PKM: variants seen among roughly 807,000 people sequenced by gnomAD.
PKM encodes pyruvate kinase PKM.
PKM carries 18 observed loss-of-function variants against 49.8 expected under a neutral mutation model. That is an observed-to-expected ratio of 0.36 (90% CI 0.25 to 0.54). The LOEUF is 0.54. PKM is among the 20% of genes least tolerant of loss of function. The pLI is 0.89. For synonymous variants in PKM, 239 were observed against 261.8 expected (o/e 0.91, Z 0.84); for missense variants, 508 against 713.8 (o/e 0.71, Z 3.28).
Position 72,209,869 on chromosome 15 carries a change from A to T in PKM, c.379-10T>A. 6.2e-7 allele frequency: 1 copy of T among 1,613,510 alleles called. No homozygotes were observed. The highest frequency in any genetic ancestry group is 8.5e-7 in the Non-Finnish European group (1 of 1,179,462). On this transcript the variant is annotated splice_polypyrimidine_tract_variant and intron_variant, in intron 4 of 10. Coordinates refer to ENST00000335181, the MANE Select transcript of PKM (RefSeq NM_002654.6). ...CCTCTGCAGTGCCGCTCTAGGGACA[A>T]GAGAGTAAGCAAGAGTCCAAACTGG...
chr15:72,211,289 G>A (rs963450125), intron 3 of PKM, among the ~76,000 whole-genome samples: 18 of 152,006 alleles, frequency 1.2e-4, no homozygotes, highest in Non-Finnish European at 2.4e-4. Flanking sequence ...GGATGGTCTC[G>A]ATCTCCTGAT....
chr15:72,200,951 AACCCC>A lies in PKM; in HGVS notation c.1308-301_1308-297del. 1 of 366,368 alleles carries A rather than the reference AACCCC, an allele frequency of 2.7e-6. No homozygotes were observed. Among genetic ancestry groups the A allele is most frequent in the Non-Finnish European group, 5.1e-6 (1 of 196,510 alleles). The allele number at this position is 366,368 out of a possible 1,614,324, so 22.7% of individuals were successfully genotyped here. ...ACCCCACACAGCCCATGGTTGGCAGAACCCCTCCTACACCCTGAACTCTGACACAG... is the reference window on the plus strand; with the variant it reads ...ACCCCACACAGCCCATGGTTGGCAGATCCTACACCCTGAACTCTGACACAG... On this transcript the variant is annotated intron_variant, in intron 9 of 10. Coordinates refer to ENST00000335181, the MANE Select transcript of PKM (RefSeq NM_002654.6). The surrounding 1 kb of genome is among the most constrained non-coding windows in gnomAD (Gnocchi z 4.6).
At position 72,199,192 on chromosome 15, in the gene PKM, T is replaced by G. The variant is rs987675460; in HGVS notation, c.*458A>C. ...TGCAAACTGGAGAGGCCTAGAGAGC[T>G]AGAGAAGCAAGTAAGGGCCAGGGCC... is the stretch of plus-strand genomic sequence containing the variant. On this transcript the variant is annotated 3_prime_UTR_variant, in exon 11 of 11. Transcript: ENST00000335181. 8.4e-6 allele frequency: 3 copies of G among 355,578 alleles called. No homozygotes were observed. Among genetic ancestry groups the G allele is most frequent in the Admixed American group, 7.6e-5 (2 of 26,208 alleles). 22.0% of individuals were successfully genotyped at this position (355,578 alleles called of 1,614,324 possible).
chr15:72,223,312 T>C (rs931712658), intron 1 of PKM, among the ~76,000 whole-genome samples: 1 of 152,218 alleles, frequency 6.6e-6, no homozygotes, highest in African/African-American at 2.4e-5. Context: ...TGAGTCTGCA[T>C]CTGCCTAAGT....
At chr15:72,199,886 C>T in intron 10 of PKM, 130 bp from the exon 11 acceptor site, 2 of 709,892 alleles carry the variant, frequency 2.8e-6, no homozygotes, top group Non-Finnish European at 2.6e-6. Flanking sequence ...CAAGGTGGCA[C>T]CAAACTCACA....
At chr15:72,227,759 A>AC (rs2082715382) in intron 1 of PKM, among the ~76,000 whole-genome samples, 2 of 133,550 alleles carry the variant, frequency 1.5e-5, no homozygotes, top group African/African-American at 6.9e-5. Context: ...AAAAAAAAAA[A>AC]AAAAAAAAAA....
intron 1 of PKM, 124 bp downstream of exon 1, chr15:72,230,992 G>T: frequency 7.8e-7 from 1 of 1,279,242 alleles, no homozygotes. Flanking sequence ...CTGCATCCCA[G>T]ACGCCCTGGA....
At chr15:72,211,886 G>A (rs894568239) in intron 3 of PKM, among the ~76,000 whole-genome samples, 4 of 151,728 alleles carry the variant, frequency 2.6e-5, no homozygotes, top group South Asian at 2.1e-4. Context: ...AGACATTAGC[G>A]GTAACAAGGG....
intron 1 of PKM, among the ~76,000 whole-genome samples, chr15:72,219,968 A>G (rs2082479265): frequency 6.6e-6 from 1 of 152,180 alleles, no homozygotes; most frequent in African/African-American, 2.4e-5. Flanking sequence ...CCAGGTCACA[A>G]CCCTGACAAT....
At chr15:72,226,698 T>C (rs1196220087) in intron 1 of PKM, among the ~76,000 whole-genome samples, 2 of 152,228 alleles carry the variant, frequency 1.3e-5, no homozygotes, top group Non-Finnish European at 2.9e-5. Flanking sequence ...GCAACCTCAC[T>C]GCCCTTGAAT....
In PKM at chr15:72,208,689, C is replaced by A. The variant is rs746789378; in HGVS notation, c.768G>T (p.Lys256Asn). Residue 256 changes from lysine (K) to asparagine (N), a missense_variant, in exon 6 of 11, where the codon AAG becomes AAT. By Grantham distance (94) the Lys-to-Asn change is moderately conservative. Transcript: ENST00000335181. ...TGTTCTTTCCCTTCTCTCCCAGGAC[C>A]TTCCTAACTTCATGGACATCAGATG... The part of the protein sequence containing the change: ...RKASDVHEVR[K>N]VLGEKGKNIK... The A allele has an allele frequency of 5.0e-6, 8 of 1,614,150 alleles. No individual in the cohort carries two copies. The highest frequency in any genetic ancestry group is 6.8e-6 in the Non-Finnish European group (8 of 1,180,030).
chr15:72,213,632 T>C lies in PKM; in HGVS notation c.247-3154A>G, dbSNP rs8192405. Among the ~76,000 whole-genome samples the C allele has an allele frequency of 4.6e-5, 7 of 152,334 alleles. No individual in the cohort carries two copies. The East Asian group carries it at 1.4e-3, about 29-fold the overall frequency. On this transcript the variant is annotated intron_variant, in intron 3 of 10. Transcript: ENST00000335181. ...TTTTAGTAGAGACAGGGTTTCACCA[T>C]GTTGGCCAGGCTGGTCTCGAACTCC...
At chr15:72,199,830 G>T in intron 10 of PKM, 74 bp from the exon 11 acceptor site, 2 of 918,710 alleles carry the variant, frequency 2.2e-6, no homozygotes, top group Non-Finnish European at 3.5e-6. Context: ...CTGCCCCATA[G>T]CCTGAGTACT....
At chr15:72,216,888 C>A (rs2140729853) in intron 3 of PKM, among the ~76,000 whole-genome samples, 1 of 152,290 alleles carries the variant, frequency 6.6e-6, no homozygotes. Flanking sequence ...GCTGAGAATA[C>A]AGTGCTGAGG....
intron 7 of PKM, 63 bp downstream of exon 7, chr15:72,207,064 A>G (rs2082102716): frequency 6.3e-7 from 1 of 1,591,774 alleles, no homozygotes; most frequent in Non-Finnish European, 8.6e-7. Flanking sequence ...GACAGCCTCC[A>G]GAGCTTTCCC....
intron 4 of PKM, 164 bp downstream of exon 4, chr15:72,210,182 TC>T: frequency 2.4e-6 from 2 of 818,322 alleles, no homozygotes; most frequent in Non-Finnish European, 3.9e-6. Flanking sequence ...GTAGATCAAA[TC>T]AACATTGTTT....
chr15:72,210,529 C>T (rs1251098943), intron 3 of PKM, 51 bp from the exon 4 acceptor site: 1 of 1,610,312 alleles, frequency 6.2e-7, no homozygotes, highest in African/African-American at 1.3e-5. Context: ...TAGAATCCAG[C>T]TCCAATTCCC....
intron 1 of PKM, among the ~76,000 whole-genome samples, chr15:72,227,753 A>C (rs899750046): frequency 1.5e-5 from 2 of 133,552 alleles, no homozygotes; most frequent in African/African-American, 6.1e-5. Context: ...TCAAAAAAAA[A>C]AAAAAAAAAA....
At chr15:72,212,035 G>T (rs1402676704) in intron 3 of PKM, among the ~76,000 whole-genome samples, 1 of 152,138 alleles carries the variant, frequency 6.6e-6, no homozygotes, top group East Asian at 1.9e-4. Flanking sequence ...AGACAGTGTT[G>T]CCTGAAACCT....
Sources: allele counts gnomAD v4.1 joint callset (sites outside exome capture counted in the v4.1 genomes callset), GRCh38; gene constraint gnomAD v4.1.1; non-coding constraint Gnocchi (gnomAD v3.1); transcripts MANE v1.5; gene names NCBI Gene and HGNC (gene_info 2026-07-23, HGNC 2026-07-21).